The following CCDC102A variants were observed in gnomAD, a reference collection of about 807,000 sequenced individuals.
The protein encoded by CCDC102A is coiled-coil domain-containing protein 102A.
Under a neutral mutation model 55.5 loss-of-function variants are expected in CCDC102A, and 40 were observed. The ratio of observed to expected loss-of-function variants is 0.72; its 90% CI spans 0.56 to 0.94. The LOEUF (loss-of-function observed/expected upper bound fraction) is 0.94. Among genes scored for constraint, CCDC102A ranks in the 40% least tolerant of loss-of-function variants. CCDC102A has a pLI of 0.00. For synonymous variants in CCDC102A, 323 were observed against 339.0 expected (o/e 0.95, Z 0.52); for missense variants, 779 against 768.6 (o/e 1.01, Z -0.16).
chr16:57,528,856 A>T lies in CCDC102A; in HGVS notation c.322T>A (p.Trp108Arg). ...SDCTANWREK[W>R]SKVRAERNRA... ...TTGCGCTCAGCGCGCACCTTGCTCC[A>T]TTTCTCGCGCCAATTGGCAGTGCAG... The change falls in exon 2 of 9, where the codon TGG (tryptophan) becomes AGG (arginine). Residue 108 changes from tryptophan (W) to arginine (R), a missense_variant. Transcript: ENST00000258214. The T allele has an allele frequency of 7.4e-7, 1 of 1,346,446 alleles. No individual in the cohort carries two copies. The highest frequency in any genetic ancestry group is 9.6e-7 in the Non-Finnish European group (1 of 1,040,482). 83.4% of individuals were successfully genotyped at this position (1,346,446 alleles called of 1,614,324 possible). A position where few individuals can be genotyped will look rare whatever the true frequency, so the allele number is the denominator to read the frequency against.
rs1196593500 is a variant in CCDC102A, at chr16:57,512,210, GAC to G, written c.*529_*530del. ...CATTCACTCATTTATTAAGTTACTT[GAC>G]ATTCCTGAGCTCTGGTTCAGCGTCA... On this transcript the variant is annotated 3_prime_UTR_variant, in exon 9 of 9. Coordinates refer to ENST00000258214, the MANE Select transcript of CCDC102A (RefSeq NM_033212.4). The G allele has an allele frequency of 2.6e-6, 1 of 386,246 alleles. No homozygotes were observed. Among genetic ancestry groups the G allele is most frequent in the Non-Finnish European group, 4.6e-6 (1 of 219,336 alleles). The allele number at this position is 386,246 out of a possible 1,614,324, so 23.9% of individuals were successfully genotyped here. A position where few individuals can be genotyped will look rare whatever the true frequency, so the allele number is the denominator to read the frequency against.
chr16:57,515,549 C>T, intron 7 of CCDC102A, 105 bp from the exon 8 acceptor site: 1 of 720,546 alleles, frequency 1.4e-6, no homozygotes, highest in Non-Finnish European at 2.5e-6. Context: ...GGAAGGTGCT[C>T]CTCCGAGAGT....
Position 57,529,212 on chromosome 16 carries a change from G to C in CCDC102A, c.-35C>G. 8.6e-7 allele frequency: 1 copy of C among 1,158,502 alleles called. No individual in the cohort carries two copies. The highest frequency in any genetic ancestry group is 1.1e-6 in the Non-Finnish European group (1 of 940,024). The allele number at this position is 1,158,502 out of a possible 1,614,324, so 71.8% of individuals were successfully genotyped here. A position where few individuals can be genotyped will look rare whatever the true frequency, so the allele number is the denominator to read the frequency against. On this transcript the variant is annotated 5_prime_UTR_variant, in exon 2 of 9. Coordinates refer to ENST00000258214, the MANE Select transcript of CCDC102A (RefSeq NM_033212.4). The surrounding 1 kb of genome is among the most constrained non-coding windows in gnomAD (Gnocchi z 4.1). ...GGGCGGGCCCTGAGCTCGAACTCGC[G>C]GTCGGGCTCAGGGGCGGCTCCGGGG...
chr16:57,513,347 G>C (rs904141381), intron 8 of CCDC102A, among the ~76,000 whole-genome samples: 1 of 152,170 alleles, frequency 6.6e-6, no homozygotes, highest in Non-Finnish European at 1.5e-5. Flanking sequence ...CAAAATTTAC[G>C]AGGAAAACTT....
At chr16:57,518,502 G>GATGT (rs1281349167) in intron 5 of CCDC102A, 123 bp downstream of exon 5, 4 of 864,764 alleles carry the variant, frequency 4.6e-6, no homozygotes, top group Non-Finnish European at 7.4e-6. Flanking sequence ...GACACCATTG[G>GATGT]ATGTGGCTGG....
chr16:57,525,992 C>A lies in CCDC102A; in HGVS notation c.721G>T (p.Asp241Tyr). ...RQERSRLPWE[D>Y]TAATEEEASK... ...GCCTCCTCCTCCGTGGCAGCTGTGT[C>A]CTCCCAGGGTAGCCGGCTGCGCTCC... Residue 241 changes from aspartate to tyrosine, a missense_variant, in exon 3 of 9, where the codon GAC (aspartate) becomes TAC (tyrosine). Physicochemically the swap from Asp to Tyr is radical, Grantham distance 160. Transcript: ENST00000258214. The A allele has an allele frequency of 6.2e-7, 1 of 1,610,946 alleles. No individual in the cohort carries two copies.
chr16:57,530,752 T>C (rs2032242140), intron 1 of CCDC102A, among the ~76,000 whole-genome samples: 1 of 152,056 alleles, frequency 6.6e-6, no homozygotes, highest in African/African-American at 2.4e-5. Flanking sequence ...TTACCCCTGC[T>C]GAAGTGTCTC....
At position 57,521,270 on chromosome 16, in the gene CCDC102A, T is replaced by C. The variant is rs545256309; in HGVS notation, c.813-94A>G. 3.2e-5 allele frequency: 30 copies of C among 939,494 alleles called. No individual in the cohort carries two copies. The African/African-American group carries it at 4.4e-4, about 14-fold the overall frequency. The allele number at this position is 939,494 out of a possible 1,614,324, so 58.2% of individuals were successfully genotyped here. A position where few individuals can be genotyped will look rare whatever the true frequency, so the allele number is the denominator to read the frequency against. ...CCCTGCTGTGTGCCCTCTGCACTTG[T>C]TGAGCCCAAGTCCAAAATCCTTGCC... On this transcript the variant is annotated intron_variant, in intron 3 of 8. Coordinates refer to ENST00000258214, the MANE Select transcript of CCDC102A (RefSeq NM_033212.4).
In CCDC102A at chr16:57,523,566, G is replaced by A. The variant is rs142644892; in HGVS notation, c.812+2335C>T. On this transcript the variant is annotated intron_variant, in intron 3 of 8. Transcript: ENST00000258214. ...ATACAATCACAGCTCCCTCAGCCTC[G>A]ACCTCCTGGGCTCAAGCGATCCTCC... is the stretch of plus-strand genomic sequence containing the variant. Among the ~76,000 whole-genome samples, 602 of 150,942 alleles carry A rather than the reference G, an allele frequency of 4.0e-3. 5 individuals are homozygous for A. Among genetic ancestry groups the A allele is most frequent in the African/African-American group, 0.014 (575 of 41,048 alleles).
Position 57,516,550 on chromosome 16 carries a change from G to T in CCDC102A, c.1249-87C>A. ...CCAGGGAGTCCCACGAGGTCAGGCAGTTCTAGGGATGCTGGGTGTCTCTCC... is the reference window on the plus strand; with the variant it reads ...CCAGGGAGTCCCACGAGGTCAGGCATTTCTAGGGATGCTGGGTGTCTCTCC... On this transcript the variant is annotated intron_variant, in intron 6 of 8. Transcript: ENST00000258214. This position sits in a 1 kb window ranked among gnomAD's most constrained non-coding sequence, Gnocchi z 4.4. 1 of 1,067,714 alleles carries T rather than the reference G, an allele frequency of 9.4e-7. No individual in the cohort carries two copies. Among genetic ancestry groups the T allele is most frequent in the Non-Finnish European group, 1.4e-6 (1 of 718,088 alleles). The allele number at this position is 1,067,714 out of a possible 1,614,324, so 66.1% of individuals were successfully genotyped here.
chr16:57,536,683 CG>C (rs1405531515), upstream of CCDC102A: 2 of 152,116 alleles, frequency 1.3e-5, no homozygotes, highest in Admixed American at 6.5e-5. Context: ...GCTGCGGCCC[CG>C]CTGTGACCCC....
At chr16:57,526,163 G>T in intron 2 of CCDC102A, 36 bp from the exon 3 acceptor site, 1 of 1,443,116 alleles carries the variant, frequency 6.9e-7, no homozygotes, top group Non-Finnish European at 9.3e-7. Context: ...ACCAGTGGCC[G>T]CCAAGCCAGG....
chr16:57,512,664 G>C lies in CCDC102A; in HGVS notation c.*77C>G, dbSNP rs1212111805. On this transcript the variant is annotated 3_prime_UTR_variant, in exon 9 of 9. Transcript: ENST00000258214. ...TGGTCCCAGAGTGAGCCTAGGCACT[G>C]CATCAGTTTGAGTGGCTGGTTAGCC... 3.1e-5 allele frequency: 48 copies of C among 1,536,228 alleles called. No individual in the cohort carries two copies. The highest frequency in any genetic ancestry group is 4.1e-5 in the Non-Finnish European group (47 of 1,139,206).
chr16:57,525,075 T>TTTTATTTATTTA lies in CCDC102A; in HGVS notation c.812+814_812+825dup, dbSNP rs3030605. On this transcript the variant is annotated intron_variant, in intron 3 of 8. Transcript: ENST00000258214. The stretch of plus-strand genomic sequence containing the variant: ...CCTTGGCCCTTGTCCACGCTCATCG[T>TTTTATTTATTTA]TTTATTTATTTATTTATTTATTTAT... Among the ~76,000 whole-genome samples the TTTTATTTATTTA allele has an allele frequency of 2.3e-4, 34 of 149,550 alleles. No individual in the cohort carries two copies. The East Asian group carries it at 3.2e-3, about 14-fold the overall frequency.
Position 57,528,719 on chromosome 16 carries a change from C to A in CCDC102A, c.459G>T (p.Arg153=). ...CCCTCAGCCGCGCCAGCTCGCGGCCCCGTGCCTCGCACTCGCCCTGCGCCT... is the reference window on the plus strand; with the variant it reads ...CCCTCAGCCGCGCCAGCTCGCGGCCACGTGCCTCGCACTCGCCCTGCGCCT... ...RQEAQGECEA[R]GRELARLRGA... Residue 153 remains arginine, a synonymous_variant, in exon 2 of 9, where the codon CGG becomes CGT. Transcript: ENST00000258214. 1 of 1,141,564 alleles carries A rather than the reference C, an allele frequency of 8.8e-7. No homozygotes were observed. The highest frequency in any genetic ancestry group is 1.1e-6 in the Non-Finnish European group (1 of 923,504). The allele number at this position is 1,141,564 out of a possible 1,614,324, so 70.7% of individuals were successfully genotyped here. A position where few individuals can be genotyped will look rare whatever the true frequency, so the allele number is the denominator to read the frequency against.
At chr16:57,521,008 T>G in intron 4 of CCDC102A, 60 bp downstream of exon 4, 1 of 1,063,450 alleles carries the variant, frequency 9.4e-7, no homozygotes, top group Non-Finnish European at 1.5e-6. Flanking sequence ...TCTCCACTAC[T>G]GAAATTCAAC....
chr16:57,535,526 A>G (rs574039744), intron 1 of CCDC102A, among the ~76,000 whole-genome samples: 151 of 151,958 alleles, frequency 9.9e-4, no homozygotes, highest in African/African-American at 3.3e-3. Context: ...GAGGGGCACA[A>G]TGCCCCCGAG....
chr16:57,526,762 C>A lies in CCDC102A; in HGVS notation c.586-635G>T, dbSNP rs183831884. Among the ~76,000 whole-genome samples, 62 of 152,356 alleles carry A rather than the reference C, an allele frequency of 4.1e-4. No individual in the cohort carries two copies. In the East Asian group the frequency reaches 9.7e-3, roughly 24 times the overall value. The stretch of plus-strand genomic sequence containing the variant: ...GCCTTTCCAGATGAGTCTGGACCAG[C>A]CTCTTCCTGGCCCGGCCCTCAGTTT... On this transcript the variant is annotated intron_variant, in intron 2 of 8. Coordinates refer to ENST00000258214, the MANE Select transcript of CCDC102A (RefSeq NM_033212.4).
At chr16:57,513,192 G>A (rs2031895540) in intron 8 of CCDC102A, among the ~76,000 whole-genome samples, 1 of 152,322 alleles carries the variant, frequency 6.6e-6, no homozygotes, top group South Asian at 2.1e-4. Context: ...CATGCTGCAG[G>A]ATTTGAACCC....
Sources: allele counts gnomAD v4.1 joint callset (sites outside exome capture counted in the v4.1 genomes callset), GRCh38; gene constraint gnomAD v4.1.1; non-coding constraint Gnocchi (gnomAD v3.1); transcripts MANE v1.5; gene names NCBI Gene and HGNC (gene_info 2026-07-23, HGNC 2026-07-21).